Variants in LRIG1 observed in about 807,000 individuals in gnomAD.
LRIG1 encodes the protein leucine-rich repeats and immunoglobulin-like domains protein 1.
Under a neutral mutation model 99.2 loss-of-function variants are expected in LRIG1, and 48 were observed. The observed-to-expected ratio is 0.48, with a 90% CI of 0.38 to 0.62. The LOEUF (loss-of-function observed/expected upper bound fraction) is 0.62. Ranked by LOEUF, LRIG1 falls within the 20% of genes least tolerant of loss-of-function variation. The pLI, the probability that LRIG1 is intolerant of heterozygous loss-of-function variation, is 0.00. For synonymous variants in LRIG1, 772 were observed against 596.1 expected, an observed-to-expected ratio of 1.29 and a Z score of -4.30; for missense variants, 1,646 against 1,434.4, an observed-to-expected ratio of 1.15 and a Z score of -2.38.
intron 1 of LRIG1, among the ~76,000 whole-genome samples, chr3:66,489,328 A>C (rs1329841389): frequency 1.3e-5 from 2 of 152,208 alleles, no homozygotes; most frequent in Non-Finnish European, 2.9e-5. Flanking sequence ...GATCAAGACC[A>C]GTCTGGGCAA....
At chr3:66,448,273 A>G (rs778080612) in intron 3 of LRIG1, among the ~76,000 whole-genome samples, 19 of 152,164 alleles carry the variant, frequency 1.2e-4, no homozygotes, top group Admixed American at 2.6e-4. Context: ...GGCTCTCCCA[A>G]TGGTGCCACC....
At chr3:66,413,471 G>A (rs1284192555) in intron 5 of LRIG1, among the ~76,000 whole-genome samples, 1 of 152,190 alleles carries the variant, frequency 6.6e-6, no homozygotes, top group East Asian at 1.9e-4. Flanking sequence ...GTATCAAATG[G>A]CAATAACACT....
chr3:66,489,432 G>A (rs28522308), intron 1 of LRIG1, among the ~76,000 whole-genome samples: 6,012 of 152,208 alleles, frequency 0.039, 409 homozygotes, highest in African/African-American at 0.14. Context: ...TGAGGTAGGA[G>A]GATCACTTGA....
At chr3:66,434,704 G>T (rs1307517397) in intron 3 of LRIG1, among the ~76,000 whole-genome samples, 1 of 149,178 alleles carries the variant, frequency 6.7e-6, no homozygotes, top group South Asian at 2.1e-4. Flanking sequence ...CAGAAATCAT[G>T]CCACTGCACT....
chr3:66,455,707 G>GT (rs745319802), intron 2 of LRIG1, among the ~76,000 whole-genome samples: 30 of 152,322 alleles, frequency 2.0e-4, no homozygotes, highest in Middle Eastern at 3.4e-3. Context: ...AAAGCCATCA[G>GT]TATCACATAG....
At chr3:66,497,478 C>T (rs1033533453) in intron 1 of LRIG1, among the ~76,000 whole-genome samples, 4 of 151,958 alleles carry the variant, frequency 2.6e-5, no homozygotes, top group African/African-American at 9.7e-5. Context: ...CTAGTTGGAC[C>T]ATGCCAATCT....
At chr3:66,464,502 A>T (rs1216663633) in intron 1 of LRIG1, among the ~76,000 whole-genome samples, 4 of 24,666 alleles carry the variant, frequency 1.6e-4, no homozygotes, top group African/African-American at 3.3e-4. Flanking sequence ...TTGCTTTATT[A>T]CTTAAAAAAA....
In LRIG1 at chr3:66,440,047, G is replaced by T. The variant is rs188348885; in HGVS notation, c.365+11512C>A. ...GGGAAAAAAAGGAGTGGAGGGAGGT[G>T]GGGGAGCCTGGGTATTTTAAATGAT... On this transcript the variant is annotated intron_variant, in intron 3 of 18. Transcript: ENST00000273261. 4.2e-3 allele frequency among the ~76,000 whole-genome samples: 632 copies of T among 152,166 alleles called. 2 individuals carry two copies. The highest frequency in any genetic ancestry group is 6.6e-3 in the Non-Finnish European group (448 of 68,002).
intron 1 of LRIG1, among the ~76,000 whole-genome samples, chr3:66,486,785 G>T (rs906631031): frequency 2.0e-5 from 3 of 152,142 alleles, no homozygotes. Context: ...TTTAAACTCT[G>T]ACTAGAATTT....
chr3:66,442,744 G>T (rs1288297412), intron 3 of LRIG1, among the ~76,000 whole-genome samples: 1 of 152,106 alleles, frequency 6.6e-6, no homozygotes, highest in African/African-American at 2.4e-5. Context: ...AAGAAAGAGA[G>T]AAAGAGGCGG....
Position 66,419,296 on chromosome 3 carries a change from G to A in LRIG1, c.366-2030C>T, listed in dbSNP as rs542090633. Among the ~76,000 whole-genome samples the A allele has an allele frequency of 7.4e-4, 113 of 152,180 alleles. 3 individuals carry two copies. The highest frequency in any genetic ancestry group is 3.8e-4 in the Non-Finnish European group (26 of 67,984). On this transcript the variant is annotated intron_variant, in intron 3 of 18. Transcript: ENST00000273261. ...CTCCTCAGTCTTTGTCTGTGGTCCGGTACCTTTTGCTCCTTGTCAGTCTTT... is the reference window on the plus strand; with the variant it reads ...CTCCTCAGTCTTTGTCTGTGGTCCGATACCTTTTGCTCCTTGTCAGTCTTT...
intron 13 of LRIG1, 103 bp downstream of exon 13, chr3:66,385,878 G>T: frequency 9.4e-7 from 1 of 1,065,466 alleles, no homozygotes; most frequent in Non-Finnish European, 1.4e-6. Flanking sequence ...ACAGAAGCAT[G>T]TGTGTGTCCT....
chr3:66,455,225 G>A (rs987927792), intron 2 of LRIG1, among the ~76,000 whole-genome samples: 1 of 152,162 alleles, frequency 6.6e-6, no homozygotes, highest in Non-Finnish European at 1.5e-5. Flanking sequence ...GATTACAGGC[G>A]TGAGCCACCA....
intron 1 of LRIG1, among the ~76,000 whole-genome samples, chr3:66,469,728 A>T (rs2106861911): frequency 6.6e-6 from 1 of 152,282 alleles, no homozygotes; most frequent in Admixed American, 6.5e-5. Flanking sequence ...ACAAATTAGG[A>T]TAAGATCTAG....
chr3:66,454,361 G>C (rs916015665), intron 2 of LRIG1, among the ~76,000 whole-genome samples: 2 of 152,196 alleles, frequency 1.3e-5, no homozygotes, highest in African/African-American at 4.8e-5. Flanking sequence ...GTCAAAAATA[G>C]CACAGCTACA....
chr3:66,393,248 G>A (rs1701694724), intron 12 of LRIG1, among the ~76,000 whole-genome samples: 1 of 152,212 alleles, frequency 6.6e-6, no homozygotes, highest in Non-Finnish European at 1.5e-5. Flanking sequence ...GGAGACCAGT[G>A]AGCACAAAAG....
chr3:66,432,502 C>G lies in LRIG1; in HGVS notation c.366-15236G>C, dbSNP rs1222696659. Among the ~76,000 whole-genome samples the G allele has an allele frequency of 2.6e-5, 4 of 152,210 alleles. 1 individual carries two copies. The highest frequency in any genetic ancestry group is 9.7e-5 in the African/African-American group (4 of 41,448). Reference sequence around the variant, plus strand: ...GTTAGTGCTTACCAGTAGCTAGGCGCTGGCTTCGCTCTTAACATCTTCCCT... The same window carrying G: ...GTTAGTGCTTACCAGTAGCTAGGCGGTGGCTTCGCTCTTAACATCTTCCCT... On this transcript the variant is annotated intron_variant, in intron 3 of 18. Coordinates refer to ENST00000273261, the MANE Select transcript of LRIG1 (RefSeq NM_015541.3).
At chr3:66,475,964 G>C (rs759106385) in intron 1 of LRIG1, among the ~76,000 whole-genome samples, 4 of 152,172 alleles carry the variant, frequency 2.6e-5, no homozygotes, top group Admixed American at 6.5e-5. Context: ...TTTACAGCTT[G>C]ATTTCTTTTC....
intron 7 of LRIG1, among the ~76,000 whole-genome samples, chr3:66,408,585 G>A (rs1702358498): frequency 6.6e-6 from 1 of 152,160 alleles, no homozygotes; most frequent in Non-Finnish European, 1.5e-5. Context: ...CTGGGGCCAC[G>A]ATACACTGGT....
Sources: allele counts gnomAD v4.1 joint callset (sites outside exome capture counted in the v4.1 genomes callset), GRCh38; gene constraint gnomAD v4.1.1; transcripts MANE v1.5; gene names NCBI Gene and HGNC (gene_info 2026-07-23, HGNC 2026-07-21).